The following SLC1A1 variants were observed in gnomAD, a reference collection of about 807,000 sequenced individuals.
The protein encoded by SLC1A1 is solute carrier family 1 member 1, also known as excitatory amino acid transporter 3.
In SLC1A1, 43 loss-of-function variants were observed where a neutral mutation model predicts 53.3. The ratio of observed to expected loss-of-function variants is 0.81; its 90% CI spans 0.63 to 1.04. The LOEUF is 1.04. Ranked by LOEUF, SLC1A1 falls within the 50% of genes least tolerant of loss-of-function variation. SLC1A1 has a pLI of 0.00. For synonymous variants in SLC1A1, 307 were observed against 243.2 expected, an observed-to-expected ratio of 1.26 and a Z score of -2.44; for missense variants, 748 against 664.9, an observed-to-expected ratio of 1.12 and a Z score of -1.37.
chr9:4,586,675 T>A lies in SLC1A1; in HGVS notation c.*1117T>A, dbSNP rs940178823. On this transcript the variant is annotated 3_prime_UTR_variant, in exon 12 of 12. Coordinates refer to ENST00000262352, the MANE Select transcript of SLC1A1 (RefSeq NM_004170.6). ...TGCACTTCTGTTATCAGGGCCCAAA[T>A]AACAGTGGCAAGCTACCAACTAAGT... is the stretch of plus-strand genomic sequence containing the variant. 7 of 152,172 alleles carry A rather than the reference T, an allele frequency of 4.6e-5. No individual in the cohort carries two copies. Among genetic ancestry groups the A allele is most frequent in the Admixed American group, 1.3e-4 (2 of 15,276 alleles). The allele number at this position is 152,172 out of a possible 1,614,324, so 9.4% of individuals were successfully genotyped here.
chr9:4,524,655 C>T (rs907569301), intron 1 of SLC1A1, among the ~76,000 whole-genome samples: 4 of 152,082 alleles, frequency 2.6e-5, no homozygotes, highest in African/African-American at 9.7e-5. Context: ...TTTCGAGCTG[C>T]ATCAAAATAT....
At chr9:4,538,146 G>A (rs1199837216) in intron 1 of SLC1A1, among the ~76,000 whole-genome samples, 4 of 152,114 alleles carry the variant, frequency 2.6e-5, no homozygotes, top group Non-Finnish European at 4.4e-5. Flanking sequence ...CAAAGTTAAG[G>A]ACTCACCTGT....
chr9:4,545,442 A>C (rs1564023680), intron 2 of SLC1A1, among the ~76,000 whole-genome samples: 1 of 152,196 alleles, frequency 6.6e-6, no homozygotes, highest in Non-Finnish European at 1.5e-5. Flanking sequence ...TGGTCACTGA[A>C]ATGTCAGCTA....
intron 1 of SLC1A1, among the ~76,000 whole-genome samples, chr9:4,541,172 A>T (rs557270737): frequency 6.6e-6 from 1 of 152,290 alleles, no homozygotes; most frequent in South Asian, 2.1e-4. Context: ...CGTTCAGGGA[A>T]ATTGTTGATC....
At chr9:4,517,343 G>C (rs1309629158) in intron 1 of SLC1A1, among the ~76,000 whole-genome samples, 1 of 152,180 alleles carries the variant, frequency 6.6e-6, no homozygotes, top group African/African-American at 2.4e-5. Flanking sequence ...CTATAGACTA[G>C]CTTGTTCTCT....
chr9:4,544,975 C>G (rs2130879535), intron 2 of SLC1A1, among the ~76,000 whole-genome samples: 1 of 152,286 alleles, frequency 6.6e-6, no homozygotes. Flanking sequence ...AACTCACTCA[C>G]TATCACGAGA....
Position 4,576,119 on chromosome 9 carries a change from T to G in SLC1A1, c.994T>G (p.Ser332Ala), listed in dbSNP as rs956096349. The change falls in exon 9 of 12, where the codon TCC becomes GCC. Residue 332 changes from serine to alanine, a missense_variant. Coordinates refer to ENST00000262352, the MANE Select transcript of SLC1A1 (RefSeq NM_004170.6). The part of the protein sequence containing the change: ...QALLTALMIS[S>A]SSATLPVTFR... ...TCTCCTGACAGCTCTCATGATCTCT[T>G]CCAGGTAAACAGAAGAGGGGTTTCT... The G allele has an allele frequency of 6.2e-7, 1 of 1,613,978 alleles. No individual in the cohort carries two copies. The highest frequency in any genetic ancestry group is 8.5e-7 in the Non-Finnish European group (1 of 1,179,806).
chr9:4,576,254 C>T, intron 9 of SLC1A1, 131 bp downstream of exon 9: 1 of 888,038 alleles, frequency 1.1e-6, no homozygotes, highest in Non-Finnish European at 1.8e-6. Context: ...GTATTCTCGG[C>T]CCCTGGCCCT....
rs1423949414 is a variant in SLC1A1, at chr9:4,583,882, T to TCTCTCACACACA, written c.1328+711_1328+712insTCTCACACACAC. Among the ~76,000 whole-genome samples, 65 of 137,042 alleles carry TCTCTCACACACA rather than the reference T, an allele frequency of 4.7e-4. No homozygotes were observed. The highest frequency in any genetic ancestry group is 1.8e-3 in the African/African-American group (64 of 35,354). 89.9% of individuals were successfully genotyped at this position (137,042 alleles called of 152,430 possible). On this transcript the variant is annotated intron_variant, in intron 11 of 11. Transcript: ENST00000262352. This position sits in a 1 kb window ranked among gnomAD's most constrained non-coding sequence, Gnocchi z 4.6. ...CTCTCTCTCTCTCTCTCTCTCTCTCTCACACACACACACACACACACACAC... is the reference window on the plus strand; with the variant it reads ...CTCTCTCTCTCTCTCTCTCTCTCTCTCTCTCACACACACACACACACACACACACACACACAC...
At chr9:4,499,451 A>G (rs1286178983) in intron 1 of SLC1A1, among the ~76,000 whole-genome samples, 16 of 152,186 alleles carry the variant, frequency 1.1e-4, no homozygotes, top group Non-Finnish European at 4.4e-5. Context: ...AGGAAAAGAA[A>G]CTGGGCTTTG....
At chr9:4,495,231 C>G (rs1209707615) in intron 1 of SLC1A1, among the ~76,000 whole-genome samples, 4 of 152,198 alleles carry the variant, frequency 2.6e-5, no homozygotes, top group Non-Finnish European at 4.4e-5. Flanking sequence ...GGCCCAGCCC[C>G]TCACCTGCAT....
At chr9:4,581,686 A>G (rs529865323) in intron 10 of SLC1A1, among the ~76,000 whole-genome samples, 5 of 152,376 alleles carry the variant, frequency 3.3e-5, no homozygotes, top group Admixed American at 3.3e-4. Flanking sequence ...TACTTAGGTC[A>G]GAAGAGATCC....
intron 1 of SLC1A1, among the ~76,000 whole-genome samples, chr9:4,522,054 CTTTTTTTT>C (rs574251219): frequency 8.6e-5 from 2 of 23,364 alleles, no homozygotes; most frequent in African/African-American, 1.5e-4. Flanking sequence ...TTTTTTTTTT[CTTTTTTTT>C]TTTTTTTGAG....
intron 4 of SLC1A1, among the ~76,000 whole-genome samples, chr9:4,565,613 C>G (rs1819410860): frequency 3.3e-5 from 5 of 152,180 alleles, no homozygotes; most frequent in Admixed American, 3.3e-4. Context: ...GAAACCACCC[C>G]CCATGATCCA....
chr9:4,502,742 G>C (rs79058176), intron 1 of SLC1A1, among the ~76,000 whole-genome samples: 2,050 of 151,844 alleles, frequency 0.014, 27 homozygotes, highest in Admixed American at 0.021. Flanking sequence ...AGTAAACCTT[G>C]ATACACCTAC....
chr9:4,582,267 G>A (rs1392438548), intron 10 of SLC1A1, among the ~76,000 whole-genome samples: 3 of 152,178 alleles, frequency 2.0e-5, no homozygotes. Context: ...TTAAATACCT[G>A]GTAATAAAGT....
At chr9:4,494,485 C>A (rs1479873427) in intron 1 of SLC1A1, among the ~76,000 whole-genome samples, 1 of 151,988 alleles carries the variant, frequency 6.6e-6, no homozygotes. Flanking sequence ...TAGTGTCCCG[C>A]CTATAATTTA....
chr9:4,494,324 G>A (rs1186014874), intron 1 of SLC1A1, among the ~76,000 whole-genome samples: 1 of 152,048 alleles, frequency 6.6e-6, no homozygotes. Context: ...TGTTATTAGA[G>A]GTGTGAAAGA....
intron 1 of SLC1A1, among the ~76,000 whole-genome samples, chr9:4,492,972 GAGA>G (rs1457129726): frequency 6.6e-6 from 1 of 152,146 alleles, no homozygotes; most frequent in Non-Finnish European, 1.5e-5. Context: ...GACTGGTTTG[GAGA>G]AGGTTTTAAG....
Sources: allele counts gnomAD v4.1 joint callset (sites outside exome capture counted in the v4.1 genomes callset), GRCh38; gene constraint gnomAD v4.1.1; non-coding constraint Gnocchi (gnomAD v3.1); transcripts MANE v1.5; gene names NCBI Gene and HGNC (gene_info 2026-07-23, HGNC 2026-07-21).